Variants in NBPF3 observed in about 807,000 individuals in gnomAD.
The protein encoded by NBPF3 is NBPF member 3, also known as NBPF family member NBPF3.
In NBPF3, 57 loss-of-function variants were observed where a neutral mutation model predicts 78.1. The ratio of observed to expected loss-of-function variants is 0.73; its 90% confidence interval spans 0.59 to 0.91. The LOEUF is 0.91. NBPF3 is among the 40% of genes least tolerant of loss of function. NBPF3 has a pLI of 0.00. For missense variants in NBPF3, 510 were observed against 715.3 expected (o/e 0.71, Z 3.27); for synonymous variants, 182 against 271.7 (o/e 0.67, Z 3.25).
chr1:21,470,786 A>G (rs1386193431), intron 4 of NBPF3, 52 bp downstream of exon 4: 3 of 1,242,212 alleles, frequency 2.4e-6, no homozygotes, highest in African/African-American at 1.5e-5. Context: ...AAATATCTGA[A>G]GTACAGCAGC....
chr1:21,469,992 TCTC>T (rs1333534446), intron 3 of NBPF3, among the ~76,000 whole-genome samples: 1 of 145,192 alleles, frequency 6.9e-6, no homozygotes, highest in African/African-American at 2.5e-5. Flanking sequence ...TTCTTGTCAA[TCTC>T]CTAGAACTTT....
In NBPF3 at chr1:21,483,274, C is replaced by T. The variant is rs755577191; in HGVS notation, c.1790C>T (p.Ser597Leu). The change falls in exon 15 of 15, where the codon TCA (serine) becomes TTA (leucine). Residue 597 changes from serine (S) to leucine (L), a missense_variant. Coordinates refer to ENST00000318249, the MANE Select transcript of NBPF3 (RefSeq NM_032264.6). ...SFQQYRSAFY[S>L]FEEQDVSLAL... ...CAGCAGTATAGAAGTGCCTTTTACT[C>T]ATTTGAGGAACAGGACGTCAGCTTG... is the stretch of plus-strand genomic sequence containing the variant. 2 of 1,361,862 alleles carry T rather than the reference C, an allele frequency of 1.5e-6. No individual in the cohort carries two copies. Among genetic ancestry groups the T allele is most frequent in the Admixed American group, 2.2e-5 (1 of 44,998 alleles). The allele number at this position is 1,361,862 out of a possible 1,614,324, so 84.4% of individuals were successfully genotyped here.
In NBPF3 at chr1:21,468,715, A is replaced by G; in HGVS notation, c.161A>G (p.Asn54Ser). The G allele has an allele frequency of 2.5e-6, 4 of 1,613,272 alleles. No homozygotes were observed. Among genetic ancestry groups the G allele is most frequent in the Non-Finnish European group, 3.4e-6 (4 of 1,179,312 alleles). Residue 54 changes from asparagine to serine, a missense_variant, in exon 3 of 15, where the codon AAC becomes AGC. Around this residue, in one of 5 missense-constraint regions of NBPF3, gnomAD observed 440 missense variants for 478.2 expected, o/e 0.92. Transcript: ENST00000318249. ...CCTGGCCCCACCTCTTCTGCCACAAACGTCAGCATGGTGGTATCTGCCGGC... is the reference window on the plus strand; with the variant it reads ...CCTGGCCCCACCTCTTCTGCCACAAGCGTCAGCATGGTGGTATCTGCCGGC... The part of the protein sequence containing the change: ...TVPGPTSSAT[N>S]VSMVVSAGPW...
At chr1:21,449,369 C>T (rs951854284) in intron 2 of NBPF3, among the ~76,000 whole-genome samples, 3 of 151,950 alleles carry the variant, frequency 2.0e-5, no homozygotes, top group Non-Finnish European at 4.4e-5. Flanking sequence ...GTCTGGTGAG[C>T]ACAAGAAAAT....
At position 21,478,444 on chromosome 1, in the gene NBPF3, C is replaced by T; in HGVS notation, c.1156+137C>T. 5 of 1,067,534 alleles carry T rather than the reference C, an allele frequency of 4.7e-6. No individual in the cohort carries two copies. The Middle Eastern group carries it at 1.5e-3, about 313-fold the overall frequency. The allele number at this position is 1,067,534 out of a possible 1,614,324, so 66.1% of individuals were successfully genotyped here. A position where few individuals can be genotyped will look rare whatever the true frequency, so the allele number is the denominator to read the frequency against. ...GGAACCTATATATCAATGTAGATTTCAATCACTCTGGAATCGAGTCTGAAG... is the reference window on the plus strand; with the variant it reads ...GGAACCTATATATCAATGTAGATTTTAATCACTCTGGAATCGAGTCTGAAG... On this transcript the variant is annotated intron_variant, in intron 9 of 14. Transcript: ENST00000318249.
intron 2 of NBPF3, among the ~76,000 whole-genome samples, chr1:21,450,391 A>G (rs6685071): frequency 0.54 from 82,520 of 151,992 alleles, 23,173 homozygotes; most frequent in Admixed American, 0.67. Context: ...ATCTTCTCCA[A>G]CCAGCCACAG....
At chr1:21,477,369 AT>A (rs1642939100) in intron 8 of NBPF3, among the ~76,000 whole-genome samples, 1 of 152,038 alleles carries the variant, frequency 6.6e-6, no homozygotes. Flanking sequence ...GGTTTTTAGA[AT>A]TTTCAGCTTT....
intron 2 of NBPF3, 124 bp from the exon 3 acceptor site, chr1:21,468,564 A>T: frequency 6.4e-7 from 1 of 1,574,502 alleles, no homozygotes; most frequent in South Asian, 1.2e-5. Flanking sequence ...TGCTGCGGGG[A>T]CTGATCACAT....
Position 21,468,828 on chromosome 1 carries a change from A to C in NBPF3, c.274A>C (p.Arg92=). The change falls in exon 3 of 15, where the codon AGA becomes CGA. Residue 92 remains arginine (R), a synonymous_variant. Coordinates refer to ENST00000318249, the MANE Select transcript of NBPF3 (RefSeq NM_032264.6). ...PQLAENKQQF[R]NLKQKCLVTQ... is the part of the protein sequence containing the mutation. ...GCTGGCAGAGAACAAACAGCAGTTCAGAAACCTCAAACAGAAATGTCTTGT... is the reference window on the plus strand; with the variant it reads ...GCTGGCAGAGAACAAACAGCAGTTCCGAAACCTCAAACAGAAATGTCTTGT... The C allele has an allele frequency of 6.2e-7, 1 of 1,614,224 alleles. No individual in the cohort carries two copies. The highest frequency in any genetic ancestry group is 1.1e-5 in the South Asian group (1 of 91,088).
At chr1:21,452,825 C>T (rs1641385914) in intron 2 of NBPF3, among the ~76,000 whole-genome samples, 2 of 152,154 alleles carry the variant, frequency 1.3e-5, no homozygotes, top group South Asian at 4.1e-4. Flanking sequence ...AACACATAAT[C>T]GAGCAAGGCT....
In NBPF3 at chr1:21,461,880, G is replaced by T. The variant is rs1641969605; in HGVS notation, c.134-6808G>T. Among the ~76,000 whole-genome samples the T allele has an allele frequency of 8.5e-5, 13 of 152,340 alleles. No individual in the cohort carries two copies. The South Asian group carries it at 2.7e-3, about 32-fold the overall frequency. On this transcript the variant is annotated intron_variant, in intron 2 of 14. Transcript: ENST00000318249. Reference sequence around the variant, plus strand: ...TTTAAATGTGGTCCCCAGTGTCGGAGGTGGGGGTAAATGGGAGGTGTTTGG... The same window carrying T: ...TTTAAATGTGGTCCCCAGTGTCGGATGTGGGGGTAAATGGGAGGTGTTTGG...
intron 8 of NBPF3, among the ~76,000 whole-genome samples, chr1:21,477,448 G>A (rs1402461791): frequency 1.3e-5 from 2 of 152,196 alleles, no homozygotes; most frequent in Admixed American, 6.5e-5. Flanking sequence ...GTGACCTACA[G>A]ATGGGGTTTT....
At chr1:21,438,654 A>C (rs76483332), upstream of NBPF3, among the ~76,000 whole-genome samples, 4,606 of 152,292 alleles carry the variant, frequency 0.03, 94 homozygotes, top group Middle Eastern at 0.054. Context: ...ATGGATATTT[A>C]ATCCTCACAC....
At chr1:21,459,554 A>G (rs1192828500) in intron 2 of NBPF3, among the ~76,000 whole-genome samples, 1 of 152,090 alleles carries the variant, frequency 6.6e-6, no homozygotes, top group Non-Finnish European at 1.5e-5. Flanking sequence ...TTTGGCAGCA[A>G]TAGGGGTGTG....
intron 2 of NBPF3, among the ~76,000 whole-genome samples, chr1:21,457,843 G>T (rs570232545): frequency 6.6e-6 from 1 of 152,150 alleles, no homozygotes; most frequent in Non-Finnish European, 1.5e-5. Flanking sequence ...ATTTCTTGTG[G>T]CCCAGTAACG....
At chr1:21,438,510 G>T (rs564372900), upstream of NBPF3, among the ~76,000 whole-genome samples, 2 of 152,314 alleles carry the variant, frequency 1.3e-5, no homozygotes, top group East Asian at 3.9e-4. Context: ...GCTTTCTTTT[G>T]AGGATCAAAT....
At chr1:21,448,265 C>T (rs1332068538) in intron 2 of NBPF3, among the ~76,000 whole-genome samples, 1 of 152,066 alleles carries the variant, frequency 6.6e-6, no homozygotes, top group Admixed American at 6.5e-5. Flanking sequence ...TATGGTTTTG[C>T]ATCTTACATT....
In NBPF3 at chr1:21,484,082, T is replaced by C. The variant is rs3010179; in HGVS notation, c.*696T>C. 49,950 of 81,690 alleles carry C rather than the reference T, an allele frequency of 0.61. 17,033 individuals are homozygous for C. The highest frequency in any genetic ancestry group is 0.79 in the South Asian group (1,233 of 1,558). The allele number at this position is 81,690 out of a possible 1,614,324, so 5.1% of individuals were successfully genotyped here. A position where few individuals can be genotyped will look rare whatever the true frequency, so the allele number is the denominator to read the frequency against. ...CGCTGGCAAGAGACAGCATGTCACC[T>C]GGGACTCTGCCAGTGCAGAATATGA... On this transcript the variant is annotated 3_prime_UTR_variant, in exon 15 of 15. Transcript: ENST00000318249.
intron 2 of NBPF3, among the ~76,000 whole-genome samples, chr1:21,462,508 G>T (rs1428453359): frequency 6.6e-6 from 1 of 152,146 alleles, no homozygotes; most frequent in African/African-American, 2.4e-5. Flanking sequence ...TTGATGGAAA[G>T]TAGATAACAA....
Sources: allele counts gnomAD v4.1 joint callset (sites outside exome capture counted in the v4.1 genomes callset), GRCh38; gene constraint gnomAD v4.1.1; regional missense constraint gnomAD v4.1.1; transcripts MANE v1.5; gene names NCBI Gene and HGNC (gene_info 2026-07-23, HGNC 2026-07-21).